Variants in CCDC180 observed in about 807,000 individuals in gnomAD.
CCDC180 encodes coiled-coil domain containing 180, also known as coiled-coil domain-containing protein 180.
Under a neutral mutation model 209.2 loss-of-function variants are expected in CCDC180, and 154 were observed. The observed-to-expected ratio is 0.74, with a 90% CI of 0.65 to 0.84. CCDC180 has a LOEUF of 0.84. Ranked by LOEUF, CCDC180 falls within the 40% of genes least tolerant of loss-of-function variation. The pLI is 0.00. For synonymous variants in CCDC180, 778 were observed against 749.1 expected, an observed-to-expected ratio of 1.04 and a Z score of -0.63; for missense variants, 1,874 against 1,997.3, an observed-to-expected ratio of 0.94 and a Z score of 1.18.
chr9:97,372,018 A>C, intron 34 of CCDC180: 1 of 198,710 alleles, frequency 5.0e-6, no homozygotes, highest in Non-Finnish European at 1.0e-5. Context: ...TGTAGCCAAA[A>C]AAATCCCGAA....
intron 10 of CCDC180, 55 bp downstream of exon 10, chr9:97,318,637 G>A: frequency 1.3e-6 from 2 of 1,594,628 alleles, no homozygotes; most frequent in Non-Finnish European, 1.7e-6. Flanking sequence ...CAGTGAGGGA[G>A]GCAGAAGTGG....
chr9:97,362,932 CT>C (rs1826807361), intron 28 of CCDC180, among the ~76,000 whole-genome samples: 1 of 152,268 alleles, frequency 6.6e-6, no homozygotes, highest in African/African-American at 2.4e-5. Context: ...TCCAGAAGGT[CT>C]TTTTGAGCAT....
intron 18 of CCDC180, among the ~76,000 whole-genome samples, chr9:97,335,460 A>T (rs1470577440): frequency 2.0e-5 from 3 of 152,196 alleles, no homozygotes; most frequent in Non-Finnish European, 4.4e-5. Context: ...TAGTTTGCTC[A>T]GAATGATGGT....
Position 97,360,110 on chromosome 9 carries a change from T to A in CCDC180, c.3483+9T>A, listed in dbSNP as rs1354615234. ...CTGAACTGGTCTTTACCGTAAGGAATGGGATAGGGTGGCAGGAAAGGGTGG... is the reference window on the plus strand; with the variant it reads ...CTGAACTGGTCTTTACCGTAAGGAAAGGGATAGGGTGGCAGGAAAGGGTGG... On this transcript the variant is annotated intron_variant, in intron 26 of 36. Coordinates refer to ENST00000529487, the MANE Select transcript of CCDC180 (RefSeq NM_020893.6). The A allele has an allele frequency of 1.9e-6, 3 of 1,611,628 alleles. No homozygotes were observed. Among genetic ancestry groups the A allele is most frequent in the Non-Finnish European group, 2.5e-6 (3 of 1,178,412 alleles).
At chr9:97,373,546 A>C (rs939157293) in intron 34 of CCDC180, 1 of 152,236 alleles carries the variant, frequency 6.6e-6, no homozygotes, top group Admixed American at 6.5e-5. Context: ...ATTTCCCTGC[A>C]GGTGAACCTT....
At chr9:97,335,781 T>G (rs908421602) in intron 18 of CCDC180, among the ~76,000 whole-genome samples, 13 of 152,242 alleles carry the variant, frequency 8.5e-5, no homozygotes, top group Non-Finnish European at 1.6e-4. Context: ...TGAACTAGTT[T>G]ACACTCCCAC....
intron 3 of CCDC180, among the ~76,000 whole-genome samples, chr9:97,310,381 A>G (rs756284301): frequency 6.6e-6 from 1 of 151,098 alleles, no homozygotes; most frequent in Non-Finnish European, 1.5e-5. Flanking sequence ...TGCTGGGTGA[A>G]CAGCAGAAAT....
intron 18 of CCDC180, among the ~76,000 whole-genome samples, chr9:97,340,396 G>A (rs755829303): frequency 6.6e-5 from 10 of 152,198 alleles, no homozygotes; most frequent in Non-Finnish European, 1.2e-4. Flanking sequence ...CCCAGGTGCC[G>A]AGGCAAGAGA....
chr9:97,332,859 A>G (rs369127655), intron 18 of CCDC180, among the ~76,000 whole-genome samples: 8 of 152,088 alleles, frequency 5.3e-5, no homozygotes, highest in African/African-American at 1.7e-4. Context: ...GATGCCTATT[A>G]TTTCTTTATC....
intron 16 of CCDC180, 84 bp from the exon 17 acceptor site, chr9:97,330,066 CAAAA>C (rs34372293): frequency 0.02 from 11,142 of 566,200 alleles, no homozygotes; most frequent in Middle Eastern, 0.03. Context: ...AGACTCCTCT[CAAAA>C]AAAAAAAAAA....
chr9:97,319,994 C>T (rs1833303654), intron 10 of CCDC180, 132 bp from the exon 11 acceptor site: 1 of 725,074 alleles, frequency 1.4e-6, no homozygotes, highest in East Asian at 2.5e-5. Context: ...CAGGAAATCC[C>T]CAGCAGTTCC....
chr9:97,337,667 G>C (rs572285431), intron 18 of CCDC180, among the ~76,000 whole-genome samples: 3 of 152,284 alleles, frequency 2.0e-5, no homozygotes, highest in African/African-American at 7.2e-5. Flanking sequence ...TCAGGATGAT[G>C]CTGGCCTCAT....
chr9:97,326,553 G>C lies in CCDC180; in HGVS notation c.1546-1G>C. ...CCTCTTGTTTTGGGGGTGGCTTCCA[G>C]GTGCAGGAGGCCCACCTCGATAGGC... On this transcript the variant is annotated splice_acceptor_variant, in intron 14 of 36. Transcript: ENST00000529487. LOFTEE classifies it high-confidence loss of function. 1 of 1,600,540 alleles carries C rather than the reference G, an allele frequency of 6.2e-7. No individual in the cohort carries two copies. Among genetic ancestry groups the C allele is most frequent in the Non-Finnish European group, 8.6e-7 (1 of 1,167,702 alleles).
chr9:97,336,339 G>A (rs4381065), intron 18 of CCDC180, among the ~76,000 whole-genome samples: 83,194 of 151,892 alleles, frequency 0.55, 24,216 homozygotes, highest in African/African-American at 0.73. Flanking sequence ...TAATTTTTGT[G>A]TAAGGTGTAA....
chr9:97,359,822 C>G (rs1826697927), intron 25 of CCDC180, among the ~76,000 whole-genome samples, 160 bp from the exon 26 acceptor site: 1 of 152,084 alleles, frequency 6.6e-6, no homozygotes, highest in Admixed American at 6.5e-5. Flanking sequence ...CCAGCCCAGC[C>G]TTCCCCACTC....
rs535510904 is a variant in CCDC180 at position 97,347,499 on chromosome 9, C to G, written c.2674+10C>G. The G allele has an allele frequency of 6.5e-7, 1 of 1,534,354 alleles. No individual in the cohort carries two copies. Among genetic ancestry groups the G allele is most frequent in the Non-Finnish European group, 8.7e-7 (1 of 1,145,818 alleles). ...CACAACGTCAGGGCAGGTACAGATGCTGCCTGGGAATGTCTGCCCTGCCCG... is the reference window on the plus strand; with the variant it reads ...CACAACGTCAGGGCAGGTACAGATGGTGCCTGGGAATGTCTGCCCTGCCCG... On this transcript the variant is annotated intron_variant, in intron 20 of 36. Transcript: ENST00000529487.
intron 18 of CCDC180, 28 bp from the exon 19 acceptor site, chr9:97,343,312 G>A (rs1826142678): frequency 1.4e-6 from 2 of 1,426,544 alleles, no homozygotes; most frequent in Admixed American, 3.4e-5. Context: ...ATGATATCAA[G>A]TCAACTTTAG....
At chr9:97,372,924 G>T (rs1380289634) in intron 34 of CCDC180, 1 of 152,192 alleles carries the variant, frequency 6.6e-6, no homozygotes, top group African/African-American at 2.4e-5. Flanking sequence ...AGATGTGCAG[G>T]TAAATACCAC....
intron 26 of CCDC180, among the ~76,000 whole-genome samples, chr9:97,361,446 A>G (rs776397517): frequency 1.3e-5 from 2 of 152,230 alleles, no homozygotes; most frequent in Non-Finnish European, 2.9e-5. Flanking sequence ...GGGATCATAT[A>G]TGGCCTCTTG....
Sources: gnomAD v4.1 joint callset for allele counts (sites outside exome capture counted in the v4.1 genomes callset) on GRCh38, gnomAD v4.1.1 for gene constraint, MANE v1.5 for transcripts, NCBI Gene and HGNC (gene_info 2026-07-23, HGNC 2026-07-21) for gene names.